Variants in CDH9 observed in about 807,000 individuals in gnomAD.
CDH9 encodes the protein cadherin 9, also known as cadherin-9.
Under a neutral mutation model 70.9 loss-of-function variants are expected in CDH9, and 28 were observed. That is an observed-to-expected ratio of 0.40 (90% CI 0.29 to 0.54). The LOEUF (loss-of-function observed/expected upper bound fraction) is 0.54. Among genes scored for constraint, CDH9 ranks in the 20% least tolerant of loss-of-function variants. CDH9 has a pLI of 0.59. For synonymous variants in CDH9, 409 were observed against 343.1 expected (o/e 1.19, Z -2.12); for missense variants, 874 against 984.4 (o/e 0.89, Z 1.50).
chr5:27,002,218 GAGATGCCATCTCACACC>G (rs1293085214), intron 1 of CDH9, among the ~76,000 whole-genome samples: 3 of 152,110 alleles, frequency 2.0e-5, no homozygotes, highest in Non-Finnish European at 4.4e-5. Flanking sequence ...AAACCACAAT[GAGATGCCATCTCACACC>G]AGTTAGAATG....
chr5:26,988,635 A>G (rs930003419), intron 1 of CDH9, among the ~76,000 whole-genome samples: 16 of 152,036 alleles, frequency 1.1e-4, no homozygotes, highest in African/African-American at 2.4e-5. Context: ...AATCAGATAC[A>G]TATTAATATT....
intron 1 of CDH9, among the ~76,000 whole-genome samples, chr5:26,996,494 G>T (rs1411053848): frequency 6.6e-6 from 1 of 151,878 alleles, no homozygotes; most frequent in African/African-American, 2.4e-5. Flanking sequence ...ACCAGTTGGG[G>T]AGACAAGTCT....
intron 2 of CDH9, among the ~76,000 whole-genome samples, chr5:26,978,128 T>C (rs1742335537): frequency 6.6e-6 from 1 of 151,904 alleles, no homozygotes; most frequent in Non-Finnish European, 1.5e-5. Flanking sequence ...GTCTAGTATA[T>C]AATCTAAGCT....
At chr5:26,938,237 G>C (rs1378578020) in intron 2 of CDH9, among the ~76,000 whole-genome samples, 3 of 151,174 alleles carry the variant, frequency 2.0e-5, no homozygotes, top group Middle Eastern at 3.5e-3. Context: ...CCATAGGCTG[G>C]AATAAAATAT....
At chr5:26,944,478 C>T (rs998096032) in intron 2 of CDH9, among the ~76,000 whole-genome samples, 2 of 151,984 alleles carry the variant, frequency 1.3e-5, no homozygotes, top group Admixed American at 1.3e-4. Context: ...TAGAAGACCC[C>T]GTTTCCCCCC....
At chr5:26,975,323 C>T (rs1742288106) in intron 2 of CDH9, among the ~76,000 whole-genome samples, 1 of 152,146 alleles carries the variant, frequency 6.6e-6, no homozygotes, top group South Asian at 2.1e-4. Flanking sequence ...ATTGAACTCT[C>T]ATGTTTCTTA....
rs575241989 is a variant in CDH9 at position 26,990,326 on chromosome 5, C to T, written c.-49-1944G>A. On this transcript the variant is annotated intron_variant, in intron 1 of 11. Transcript: ENST00000231021. The stretch of plus-strand genomic sequence containing the variant: ...ACATCTATGTACCTTGATTTCCATG[C>T]CTATTATTTTAAAAATTGGTCACTC... 1.1e-4 allele frequency among the ~76,000 whole-genome samples: 17 copies of T among 152,152 alleles called. No homozygotes were observed. The East Asian group carries it at 3.1e-3, about 28-fold the overall frequency.
chr5:26,936,553 G>T (rs1404154020), intron 2 of CDH9, among the ~76,000 whole-genome samples: 1 of 152,004 alleles, frequency 6.6e-6, no homozygotes. Flanking sequence ...TACATATAAT[G>T]TTTCCATGAA....
chr5:26,893,123 A>G (rs1740689364), intron 7 of CDH9, among the ~76,000 whole-genome samples: 1 of 152,180 alleles, frequency 6.6e-6, no homozygotes, highest in South Asian at 2.1e-4. Flanking sequence ...AGGACATACT[A>G]TTTAATCTAT....
chr5:26,920,415 G>T (rs916208741), intron 2 of CDH9, among the ~76,000 whole-genome samples: 18 of 151,964 alleles, frequency 1.2e-4, no homozygotes, highest in African/African-American at 4.3e-4. Context: ...TGGCATCTCT[G>T]GACCCACCTA....
intron 1 of CDH9, among the ~76,000 whole-genome samples, chr5:27,015,084 C>T (rs1009644410): frequency 6.6e-6 from 1 of 151,808 alleles, no homozygotes; most frequent in Non-Finnish European, 1.5e-5. Context: ...ACACATATTT[C>T]ACGTAAGTAG....
intron 2 of CDH9, among the ~76,000 whole-genome samples, chr5:26,982,069 C>A (rs983127967): frequency 6.6e-6 from 1 of 152,026 alleles, no homozygotes; most frequent in Admixed American, 6.6e-5. Context: ...TCTCGTCCTT[C>A]CTGATGAGTA....
intron 6 of CDH9, 190 bp downstream of exon 6, chr5:26,903,447 G>A (rs1374961980): frequency 7.3e-6 from 5 of 687,710 alleles, no homozygotes; most frequent in Non-Finnish European, 1.1e-5. Flanking sequence ...GAACAACTGA[G>A]GTTTTAAGTG....
chr5:26,950,219 G>T (rs1354620616), intron 2 of CDH9, among the ~76,000 whole-genome samples: 4 of 152,170 alleles, frequency 2.6e-5, no homozygotes, highest in African/African-American at 9.7e-5. Context: ...AATGTTTCCT[G>T]TGACAAGTGG....
chr5:27,027,993 T>C (rs1158905667), intron 1 of CDH9, among the ~76,000 whole-genome samples: 1 of 152,044 alleles, frequency 6.6e-6, no homozygotes, highest in Non-Finnish European at 1.5e-5. Flanking sequence ...AAAACATAAA[T>C]ACAATATTTT....
chr5:26,892,578 C>A (rs1740678443), intron 7 of CDH9, among the ~76,000 whole-genome samples: 1 of 152,144 alleles, frequency 6.6e-6, no homozygotes, highest in African/African-American at 2.4e-5. Flanking sequence ...TTATTATGAA[C>A]TCCCTTTTGA....
intron 2 of CDH9, among the ~76,000 whole-genome samples, chr5:26,946,900 C>G (rs942378129): frequency 6.6e-6 from 1 of 152,152 alleles, no homozygotes; most frequent in African/African-American, 2.4e-5. Flanking sequence ...TAAATACCAT[C>G]AGGAGTCAGG....
rs1159071349 is a variant in CDH9, at chr5:26,987,805, T to A, written c.228+301A>T. On this transcript the variant is annotated intron_variant, in intron 2 of 11. Coordinates refer to ENST00000231021, the MANE Select transcript of CDH9 (RefSeq NM_016279.4). The stretch of plus-strand genomic sequence containing the variant: ...CTAATTATGAAAAACTATCAATCGA[T>A]CTCAAGGAGAGTTTTATTTAGATAA... Among the ~76,000 whole-genome samples the A allele has an allele frequency of 3.9e-5, 6 of 152,184 alleles. No individual in the cohort carries two copies. In the East Asian group the frequency reaches 1.2e-3, roughly 29 times the overall value.
At chr5:27,005,598 G>A (rs758307228) in intron 1 of CDH9, among the ~76,000 whole-genome samples, 3 of 152,110 alleles carry the variant, frequency 2.0e-5, no homozygotes, top group African/African-American at 4.8e-5. Flanking sequence ...ACTGTGGAAA[G>A]CAGGATAGCA....
Sources: allele counts gnomAD v4.1 joint callset (sites outside exome capture counted in the v4.1 genomes callset), GRCh38; gene constraint gnomAD v4.1.1; transcripts MANE v1.5; gene names NCBI Gene and HGNC (gene_info 2026-07-23, HGNC 2026-07-21).